The following MACROD2 variants were observed in gnomAD, a reference collection of about 807,000 sequenced individuals.
The protein encoded by MACROD2 is ADP-ribose glycohydrolase MACROD2.
Under a neutral mutation model 70.4 loss-of-function variants are expected in MACROD2, and 36 were observed. That is an observed-to-expected ratio of 0.51 (90% CI 0.39 to 0.68). The LOEUF (loss-of-function observed/expected upper bound fraction) is 0.68, where lower values mean the gene tolerates loss of function less well. Ranked by LOEUF, MACROD2 falls within the 30% of genes least tolerant of loss-of-function variation. MACROD2 has a pLI of 0.00. For synonymous variants in MACROD2, 172 were observed against 178.8 expected (o/e 0.96, Z 0.30); for missense variants, 496 against 538.4 (o/e 0.92, Z 0.78).
intron 3 of MACROD2, among the ~76,000 whole-genome samples, chr20:14,258,585 G>T (rs1218118502): frequency 6.6e-6 from 1 of 151,736 alleles, no homozygotes; most frequent in Non-Finnish European, 1.5e-5. Context: ...CAATTTATTT[G>T]AGCTCCCTGT....
chr20:14,719,142 G>T (rs2071432892), intron 5 of MACROD2, among the ~76,000 whole-genome samples: 2 of 151,960 alleles, frequency 1.3e-5, no homozygotes, highest in Admixed American at 6.6e-5. Flanking sequence ...TGAGGCAGGA[G>T]AATCACTTGA....
intron 5 of MACROD2, among the ~76,000 whole-genome samples, chr20:14,811,975 C>T (rs192681314): frequency 4.3e-4 from 65 of 152,132 alleles, no homozygotes; most frequent in African/African-American, 1.3e-3. Context: ...TTACACTGTT[C>T]GTGGGAGTGT....
intron 8 of MACROD2, among the ~76,000 whole-genome samples, chr20:15,716,652 T>G (rs904458240): frequency 3.9e-5 from 6 of 152,206 alleles, no homozygotes; most frequent in African/African-American, 1.4e-4. Flanking sequence ...TTTTTCTCGC[T>G]CATCACAAGA....
intron 6 of MACROD2, among the ~76,000 whole-genome samples, chr20:15,305,726 G>A (rs1194809098): frequency 2.6e-5 from 4 of 152,060 alleles, no homozygotes; most frequent in Non-Finnish European, 5.9e-5. Context: ...TAGCCTTGTC[G>A]TGAATGTATG....
At chr20:14,809,539 G>A (rs2072682603) in intron 5 of MACROD2, among the ~76,000 whole-genome samples, 1 of 151,814 alleles carries the variant, frequency 6.6e-6, no homozygotes, top group South Asian at 2.1e-4. Context: ...AGAAGCAAGA[G>A]CAAACAAATT....
chr20:15,160,321 G>T (rs1364172364), intron 5 of MACROD2, among the ~76,000 whole-genome samples: 1 of 152,080 alleles, frequency 6.6e-6, no homozygotes, highest in South Asian at 2.1e-4. Flanking sequence ...CTATCATAGC[G>T]ATTTGATATG....
chr20:15,714,658 A>C lies in MACROD2; in HGVS notation c.646-148087A>C, dbSNP rs148303494. ...TTGTATTCCTATGACACATCAATAA[A>C]ATGCCTACAGGAGAAGCATCTTTGT... On this transcript the variant is annotated intron_variant, in intron 8 of 17. Coordinates refer to ENST00000684519, the MANE Select transcript of MACROD2 (RefSeq NM_001351661.2). Among the ~76,000 whole-genome samples, 25 of 152,302 alleles carry C rather than the reference A, an allele frequency of 1.6e-4. No individual in the cohort carries two copies. In the East Asian group the frequency reaches 4.6e-3, roughly 28 times the overall value.
intron 8 of MACROD2, among the ~76,000 whole-genome samples, chr20:15,541,273 T>C (rs1162464284): frequency 6.6e-6 from 1 of 152,230 alleles, no homozygotes; most frequent in Non-Finnish European, 1.5e-5. Flanking sequence ...TTGGGTACAC[T>C]GCCTACTATA....
intron 8 of MACROD2, among the ~76,000 whole-genome samples, chr20:15,839,400 C>G (rs962281163): frequency 6.6e-6 from 1 of 152,132 alleles, no homozygotes; most frequent in Non-Finnish European, 1.5e-5. Context: ...GGCTCTGTGA[C>G]TTCTGTCGGC....
intron 3 of MACROD2, among the ~76,000 whole-genome samples, chr20:14,102,871 G>A (rs180846340): frequency 2.6e-5 from 4 of 152,176 alleles, no homozygotes; most frequent in Admixed American, 6.5e-5. Flanking sequence ...ACTCTACACT[G>A]GTTATAGCTT....
At chr20:15,172,472 G>C (rs1047340417) in intron 5 of MACROD2, among the ~76,000 whole-genome samples, 3 of 152,160 alleles carry the variant, frequency 2.0e-5, no homozygotes, top group Non-Finnish European at 2.9e-5. Context: ...TTGCAGCCTT[G>C]AACTCCTGGG....
At chr20:15,007,402 C>G (rs1476159452) in intron 5 of MACROD2, among the ~76,000 whole-genome samples, 1 of 151,884 alleles carries the variant, frequency 6.6e-6, no homozygotes, top group East Asian at 1.9e-4. Context: ...CAAAAAAGCC[C>G]AGGAGAATTC....
At chr20:15,348,401 G>T (rs1316207414) in intron 6 of MACROD2, among the ~76,000 whole-genome samples, 1 of 152,136 alleles carries the variant, frequency 6.6e-6, no homozygotes, top group Non-Finnish European at 1.5e-5. Context: ...TTTGAGGTTT[G>T]ATCTTTTCTA....
chr20:15,091,331 G>T (rs190751542), intron 5 of MACROD2, among the ~76,000 whole-genome samples: 20 of 150,780 alleles, frequency 1.3e-4, no homozygotes, highest in Admixed American at 1.1e-3. Flanking sequence ...GGTTAGGGAA[G>T]GACTTAAAAA....
intron 2 of MACROD2, among the ~76,000 whole-genome samples, chr20:14,055,949 A>G (rs1449975541): frequency 6.6e-6 from 1 of 152,134 alleles, no homozygotes; most frequent in African/African-American, 2.4e-5. Context: ...AAATGAATTA[A>G]TGGATGCCAG....
At chr20:14,892,658 C>G (rs1438133470) in intron 5 of MACROD2, 1 of 152,110 alleles carries the variant, frequency 6.6e-6, no homozygotes, top group African/African-American at 2.4e-5. Context: ...GAAACTGAAA[C>G]TCTGTCTCCA....
intron 5 of MACROD2, among the ~76,000 whole-genome samples, chr20:14,780,069 A>G (rs1483979118): frequency 6.6e-6 from 1 of 152,106 alleles, no homozygotes; most frequent in Admixed American, 6.5e-5. Flanking sequence ...CACACTTAAA[A>G]AAGTGGTCAA....
chr20:14,263,385 C>G (rs1448135464), intron 3 of MACROD2, among the ~76,000 whole-genome samples: 2 of 152,276 alleles, frequency 1.3e-5, no homozygotes, highest in South Asian at 4.1e-4. Context: ...GGAGTGGAAG[C>G]TAGAACCATG....
At chr20:15,710,535 G>T (rs2423972) in intron 8 of MACROD2, among the ~76,000 whole-genome samples, 122,637 of 152,180 alleles carry the variant, frequency 0.81, 49,636 homozygotes, top group Middle Eastern at 0.86. Flanking sequence ...GAACCCTGAA[G>T]ATCTTCATCC....
Sources: allele counts gnomAD v4.1 joint callset (sites outside exome capture counted in the v4.1 genomes callset), GRCh38; gene constraint gnomAD v4.1.1; transcripts MANE v1.5; gene names NCBI Gene and HGNC (gene_info 2026-07-23, HGNC 2026-07-21).